CADPS2: variants seen among roughly 807,000 people sequenced by gnomAD.
CADPS2 encodes the protein calcium dependent secretion activator 2, also known as calcium-dependent secretion activator 2.
A neutral mutation model predicts 172.5 loss-of-function variants in CADPS2; 93 were observed. The observed-to-expected ratio is 0.54, with a 90% confidence interval of 0.46 to 0.64. The LOEUF (loss-of-function observed/expected upper bound fraction) is 0.64. CADPS2 is among the 30% of genes least tolerant of loss of function. The probability of loss-of-function intolerance (pLI) is 0.00; values close to 1 mark genes in which losing one functional copy is unlikely to be tolerated. For synonymous variants in CADPS2, 546 were observed against 555.2 expected (o/e 0.98, Z 0.23); for missense variants, 1,420 against 1,565.9 (o/e 0.91, Z 1.57).
rs1417857978 is a variant in CADPS2, at chr7:122,519,145, A to G, written c.1476-5830T>C. 2.6e-5 allele frequency among the ~76,000 whole-genome samples: 4 copies of G among 152,070 alleles called. No individual in the cohort carries two copies. In the East Asian group the frequency reaches 7.7e-4, roughly 29 times the overall value. On this transcript the variant is annotated intron_variant, in intron 8 of 29. Coordinates refer to ENST00000449022, the MANE Select transcript of CADPS2 (RefSeq NM_017954.11). ...TAAATTTGATCCAAGAATTATTTGAATGGGGTTAAAAGAGGTATCCCATTG... is the reference window on the plus strand; with the variant it reads ...TAAATTTGATCCAAGAATTATTTGAGTGGGGTTAAAAGAGGTATCCCATTG...
chr7:122,563,927 G>T (rs2066076920), intron 7 of CADPS2, among the ~76,000 whole-genome samples: 1 of 152,080 alleles, frequency 6.6e-6, no homozygotes, highest in African/African-American at 2.4e-5. Context: ...TAAACTTTTT[G>T]AGCATCCATA....
chr7:122,640,120 C>T (rs1030147387), intron 3 of CADPS2, among the ~76,000 whole-genome samples: 2 of 152,156 alleles, frequency 1.3e-5, no homozygotes, highest in African/African-American at 4.8e-5. Context: ...GTTGCTCAGG[C>T]CCAAAACCTA....
chr7:122,700,287 C>G (rs2085822669), intron 2 of CADPS2, among the ~76,000 whole-genome samples: 1 of 152,132 alleles, frequency 6.6e-6, no homozygotes. Context: ...GCTGTTACTT[C>G]TTATGAAATG....
rs144661968 is a variant in CADPS2, at chr7:122,523,158, A to G, written c.1476-9843T>C. On this transcript the variant is annotated intron_variant, in intron 8 of 29. Transcript: ENST00000449022. ...CTGAGAAACTTCCAAGCTGTTTTCC[A>G]TAATGGCTGTACTAGTTTACATTCC... is the stretch of plus-strand genomic sequence containing the variant. 1.8e-4 allele frequency among the ~76,000 whole-genome samples: 28 copies of G among 152,302 alleles called. 1 individual carries two copies. In the East Asian group the frequency reaches 5.0e-3, roughly 27 times the overall value.
At chr7:122,354,297 ATAAGAGGTGTAATTACATC>A (rs375376829) in intron 27 of CADPS2, 4 of 152,196 alleles carry the variant, frequency 2.6e-5, no homozygotes, top group African/African-American at 9.6e-5. Flanking sequence ...CAATAAGCCT[ATAAGAGGTGTAATTACATC>A]TCCATTTTAC....
At chr7:122,640,808 C>A (rs1378971658) in intron 3 of CADPS2, among the ~76,000 whole-genome samples, 2 of 151,880 alleles carry the variant, frequency 1.3e-5, no homozygotes. Context: ...GCGGCGGGCG[C>A]CTGTAGTCCC....
intron 1 of CADPS2, among the ~76,000 whole-genome samples, chr7:122,842,888 G>C (rs903722731): frequency 1.3e-5 from 2 of 152,104 alleles, no homozygotes; most frequent in Non-Finnish European, 2.9e-5. Context: ...ACATGATTTT[G>C]CTCTAAGGAA....
intron 4 of CADPS2, among the ~76,000 whole-genome samples, chr7:122,624,488 C>T (rs546274449): frequency 6.6e-6 from 1 of 152,320 alleles, no homozygotes; most frequent in African/African-American, 2.4e-5. Flanking sequence ...ATCTCTGCTG[C>T]TTCCCATGCC....
chr7:122,820,262 A>G (rs1032054492), intron 1 of CADPS2, among the ~76,000 whole-genome samples: 1 of 152,148 alleles, frequency 6.6e-6, no homozygotes, highest in African/African-American at 2.4e-5. Context: ...CAAGCTCAGC[A>G]AATTACCTAG....
intron 25 of CADPS2, among the ~76,000 whole-genome samples, chr7:122,364,936 A>G (rs1388669708): frequency 6.6e-6 from 1 of 152,144 alleles, no homozygotes; most frequent in Non-Finnish European, 1.5e-5. Context: ...TGAAACCAGA[A>G]GAAGGAAATA....
At chr7:122,539,527 AAG>A (rs1291275206) in intron 8 of CADPS2, among the ~76,000 whole-genome samples, 1 of 152,096 alleles carries the variant, frequency 6.6e-6, no homozygotes, top group Non-Finnish European at 1.5e-5. Flanking sequence ...AGTAAAACAA[AAG>A]AGGGGCTGGT....
chr7:122,487,255 C>G (rs2057910874), intron 11 of CADPS2, among the ~76,000 whole-genome samples: 1 of 151,988 alleles, frequency 6.6e-6, no homozygotes. Flanking sequence ...AGAGATCCCC[C>G]CCACCTCGAC....
At position 122,454,511 on chromosome 7, in the gene CADPS2, G is replaced by C. The variant is rs543856974; in HGVS notation, c.2187-3036C>G. Among the ~76,000 whole-genome samples, 5 of 152,236 alleles carry C rather than the reference G, an allele frequency of 3.3e-5. No individual in the cohort carries two copies. The East Asian group carries it at 9.7e-4, about 29-fold the overall frequency. On this transcript the variant is annotated intron_variant, in intron 14 of 29. Transcript: ENST00000449022. Reference sequence around the variant, plus strand: ...GTTATATTTGAAAAGCAATAATGGAGTATTTTGAATACCCTTACATTAGAC... The same window carrying C: ...GTTATATTTGAAAAGCAATAATGGACTATTTTGAATACCCTTACATTAGAC...
At chr7:122,761,858 T>A (rs897000401) in intron 1 of CADPS2, among the ~76,000 whole-genome samples, 1 of 147,540 alleles carries the variant, frequency 6.8e-6, no homozygotes, top group Non-Finnish European at 1.5e-5. Context: ...ATTAGCCGGG[T>A]GTGGTGGCAT....
At chr7:122,537,388 C>T (rs1410294821) in intron 8 of CADPS2, among the ~76,000 whole-genome samples, 3 of 151,042 alleles carry the variant, frequency 2.0e-5, no homozygotes, top group Non-Finnish European at 4.4e-5. Context: ...AAGTGTAATG[C>T]TATGATGAAG....
rs557097756 is a variant in CADPS2 at position 122,863,238 on chromosome 7, C to T, written c.339+22761G>A. On this transcript the variant is annotated intron_variant, in intron 1 of 29. Transcript: ENST00000449022. ...TACCTGGGTGTCTTCTACATATCTG[C>T]GAAAACTTGCTATATATTAAAATCA... Among the ~76,000 whole-genome samples, 6 of 152,064 alleles carry T rather than the reference C, an allele frequency of 3.9e-5. No homozygotes were observed. The South Asian group carries it at 6.2e-4, about 16-fold the overall frequency.
intron 20 of CADPS2, among the ~76,000 whole-genome samples, chr7:122,398,602 A>T (rs1420848486): frequency 2.0e-5 from 3 of 152,226 alleles, no homozygotes; most frequent in Non-Finnish European, 4.4e-5. Flanking sequence ...AAGAAAATTA[A>T]TAAGTCGCTC....
At chr7:122,846,995 C>T (rs986528743) in intron 1 of CADPS2, among the ~76,000 whole-genome samples, 3 of 152,348 alleles carry the variant, frequency 2.0e-5, no homozygotes, top group South Asian at 2.1e-4. Flanking sequence ...TTTTAAAGGA[C>T]TCCACTGGTG....
chr7:122,482,259 T>C (rs2057384073), intron 11 of CADPS2, among the ~76,000 whole-genome samples: 1 of 151,880 alleles, frequency 6.6e-6, no homozygotes, highest in South Asian at 2.1e-4. Flanking sequence ...CAACTGGGGG[T>C]GATTCCTCAC....
Sources: allele counts gnomAD v4.1 joint callset (sites outside exome capture counted in the v4.1 genomes callset), GRCh38; gene constraint gnomAD v4.1.1; transcripts MANE v1.5; gene names NCBI Gene and HGNC (gene_info 2026-07-23, HGNC 2026-07-21).